CERK: variants seen among roughly 807,000 people sequenced by gnomAD.
The protein encoded by CERK is ceramide kinase, also known as acylsphingosine kinase.
Under a neutral mutation model 63.4 loss-of-function variants are expected in CERK, and 39 were observed. That is an observed-to-expected ratio of 0.61 (90% CI 0.48 to 0.80). The LOEUF is 0.80. Among genes scored for constraint, CERK ranks in the 30% least tolerant of loss-of-function variants. CERK has a pLI of 0.00. For synonymous variants in CERK, 302 were observed against 280.0 expected, an observed-to-expected ratio of 1.08 and a Z score of -0.78; for missense variants, 670 against 714.1, an observed-to-expected ratio of 0.94 and a Z score of 0.70.
chr22:46,712,536 G>A (rs117937275), intron 3 of CERK, among the ~76,000 whole-genome samples: 1,696 of 152,246 alleles, frequency 0.011, 16 homozygotes, highest in Non-Finnish European at 0.018. Context: ...AAACTCCCAC[G>A]AACTCAGAAT....
At chr22:46,716,586 AAATTC>A (rs2082867647) in intron 3 of CERK, among the ~76,000 whole-genome samples, 1 of 152,128 alleles carries the variant, frequency 6.6e-6, no homozygotes. Context: ...TGTAATTAAT[AAATTC>A]AATAAAAGAT....
intron 5 of CERK, among the ~76,000 whole-genome samples, chr22:46,710,206 C>T (rs923130808): frequency 2.0e-5 from 3 of 152,034 alleles, no homozygotes; most frequent in East Asian, 1.9e-4. Flanking sequence ...AGGCGGGTCG[C>T]GTGGATCACC....
At chr22:46,737,140 A>G (rs2082977638) in intron 1 of CERK, among the ~76,000 whole-genome samples, 1 of 152,096 alleles carries the variant, frequency 6.6e-6, no homozygotes, top group South Asian at 2.1e-4. Flanking sequence ...CTAAAATACA[A>G]AAATTAGCCG....
At chr22:46,729,893 G>A (rs1404422506) in intron 1 of CERK, among the ~76,000 whole-genome samples, 2 of 152,028 alleles carry the variant, frequency 1.3e-5, no homozygotes, top group African/African-American at 2.4e-5. Flanking sequence ...CAAAAAATTA[G>A]CCAGGCGTGG....
Position 46,711,115 on chromosome 22 carries a change from CAG to C in CERK, c.538_539del (p.Leu180ValfsTer2). 6.2e-7 allele frequency: 1 copy of C among 1,613,890 alleles called. No individual in the cohort carries two copies. Among genetic ancestry groups the C allele is most frequent in the Non-Finnish European group, 8.5e-7 (1 of 1,179,790 alleles). ...TEHANQAKET[L>X]YEINIDKYDG... ...CGTATTTGTCTATGTTAATCTCATA[CAG>C]AGTCTCCTTGGCCTGATTAGCATGT... On this transcript the variant is annotated frameshift_variant, in exon 5 of 13. Transcript: ENST00000216264. LOFTEE classifies it high-confidence loss of function.
intron 7 of CERK, among the ~76,000 whole-genome samples, chr22:46,701,078 G>A (rs2082781258): frequency 6.6e-6 from 1 of 152,152 alleles, no homozygotes; most frequent in African/African-American, 2.4e-5. Flanking sequence ...GGTGAGGCAC[G>A]GTAACCCTGT....
intron 2 of CERK, 87 bp downstream of exon 2, chr22:46,720,815 T>C (rs901842962): frequency 2.4e-6 from 2 of 819,660 alleles, no homozygotes; most frequent in African/African-American, 1.7e-5. Context: ...GCATTGAGCT[T>C]GTTAAACAAG....
rs2082853197 is a variant in CERK at position 46,713,527 on chromosome 22, AAAC to A, written c.380-1237_380-1235del. On this transcript the variant is annotated intron_variant, in intron 3 of 12. Coordinates refer to ENST00000216264, the MANE Select transcript of CERK (RefSeq NM_022766.6). Reference sequence around the variant, plus strand: ...TCATCTCAAAAAAAAAAAAAAAAAAAAACAAACAAACAAAAAAACACAGACACA... The same window carrying A: ...TCATCTCAAAAAAAAAAAAAAAAAAAAAACAAACAAAAAAACACAGACACA... 6.2e-5 allele frequency among the ~76,000 whole-genome samples: 9 copies of A among 145,556 alleles called. No homozygotes were observed. The South Asian group carries it at 6.3e-4, about 10-fold the overall frequency.
At position 46,701,918 on chromosome 22, in the gene CERK, C is replaced by A. The variant is rs138532297; in HGVS notation, c.716-208G>T. 3.7e-3 allele frequency among the ~76,000 whole-genome samples: 556 copies of A among 152,264 alleles called. 3 individuals carry two copies. Among genetic ancestry groups the A allele is most frequent in the African/African-American group, 0.012 (502 of 41,540 alleles). The stretch of plus-strand genomic sequence containing the variant: ...TGAGATTGGGCCGGGCGGTGGCTCA[C>A]GCCTGTCATCCCAGCACTTTGAGAG... On this transcript the variant is annotated intron_variant, in intron 6 of 12. Coordinates refer to ENST00000216264, the MANE Select transcript of CERK (RefSeq NM_022766.6).
Position 46,695,303 on chromosome 22 carries a change from A to T in CERK, c.956T>A (p.Phe319Tyr). Reference sequence around the variant, plus strand: ...CCCTTCATAGCAGTGGTGGGAGAGGAAGGTCTTTAAACCTGGGAACAGAGT... The same window carrying T: ...CCCTTCATAGCAGTGGTGGGAGAGGTAGGTCTTTAAACCTGGGAACAGAGT... ...ARYDFSGLKT[F>Y]LSHHCYEGTV... Residue 319 changes from phenylalanine to tyrosine, a missense_variant, in exon 9 of 13, where the codon TTC becomes TAC. Phe to Tyr is a conservative substitution (Grantham distance 22). Transcript: ENST00000216264. 1 of 1,600,158 alleles carries T rather than the reference A, an allele frequency of 6.2e-7. No individual in the cohort carries two copies. Among genetic ancestry groups the T allele is most frequent in the African/African-American group, 1.3e-5 (1 of 74,768 alleles).
At chr22:46,702,177 CA>C (rs135690) in intron 6 of CERK, among the ~76,000 whole-genome samples, 213 of 84,126 alleles carry the variant, frequency 2.5e-3, no homozygotes, top group African/African-American at 8.3e-3. Context: ...GACTTCGTCT[CA>C]AAAAAAAAAA....
intron 1 of CERK, among the ~76,000 whole-genome samples, chr22:46,734,944 G>A (rs1019816808): frequency 2.6e-5 from 4 of 152,142 alleles, no homozygotes; most frequent in East Asian, 1.9e-4. Context: ...CTGAGGACAC[G>A]CTTTATAAAC....
chr22:46,705,766 T>C (rs369251095), intron 6 of CERK, among the ~76,000 whole-genome samples: 5 of 150,658 alleles, frequency 3.3e-5, no homozygotes, highest in African/African-American at 9.8e-5. Flanking sequence ...GGCATGGTGG[T>C]GCACGCCTGT....
intron 8 of CERK, among the ~76,000 whole-genome samples, chr22:46,699,055 G>A (rs2082770207): frequency 6.6e-6 from 1 of 152,148 alleles, no homozygotes; most frequent in South Asian, 2.1e-4. Context: ...GTTCTGGAGT[G>A]AACTGCGTCC....
At position 46,695,227 on chromosome 22, in the gene CERK, C is replaced by T; in HGVS notation, c.1032G>A (p.Arg344=). 1 of 1,593,794 alleles carries T rather than the reference C, an allele frequency of 6.3e-7. No homozygotes were observed. The highest frequency in any genetic ancestry group is 8.6e-7 in the Non-Finnish European group (1 of 1,162,598). Residue 344 remains arginine (R), a synonymous_variant, in exon 9 of 13, where the codon AGG becomes AGA. Transcript: ENST00000216264. The stretch of plus-strand genomic sequence containing the variant: ...GCACTTACCCTGCCCGGCAGGGCTT[C>T]CTATCCCTTGGAGATCCCACCGTGT... ...AQHTVGSPRD[R]KPCRAGCFVC... is the part of the protein sequence containing the mutation.
intron 3 of CERK, among the ~76,000 whole-genome samples, chr22:46,713,005 C>T (rs1440213662): frequency 1.3e-5 from 2 of 151,746 alleles, no homozygotes; most frequent in Admixed American, 6.6e-5. Context: ...CCACCACGCC[C>T]GGCTAATTTT....
chr22:46,736,506 G>A (rs2082974424), intron 1 of CERK, among the ~76,000 whole-genome samples: 1 of 152,224 alleles, frequency 6.6e-6, no homozygotes, highest in Non-Finnish European at 1.5e-5. Context: ...CCCGCACTTA[G>A]GAAGTGCTTG....
rs770637394 is a variant in CERK at position 46,695,329 on chromosome 22, G to A, written c.944-14C>T. ...AGGTCTTTAAACCTGGGAACAGAGT[G>A]CAGTGAAGAAAAAACATCCACAAGG... is the stretch of plus-strand genomic sequence containing the variant. On this transcript the variant is annotated splice_polypyrimidine_tract_variant and intron_variant, in intron 8 of 12. Coordinates refer to ENST00000216264, the MANE Select transcript of CERK (RefSeq NM_022766.6). 15 of 1,453,300 alleles carry A rather than the reference G, an allele frequency of 1.0e-5. No individual in the cohort carries two copies. The highest frequency in any genetic ancestry group is 1.4e-5 in the Non-Finnish European group (14 of 1,033,352). 90.0% of individuals were successfully genotyped at this position (1,453,300 alleles called of 1,614,324 possible).
intron 11 of CERK, among the ~76,000 whole-genome samples, chr22:46,691,274 T>C (rs1260582332): frequency 1.3e-5 from 2 of 152,128 alleles, no homozygotes; most frequent in South Asian, 2.1e-4. Flanking sequence ...GGTTTCACCA[T>C]GTTGCCCAGG....
Sources: gnomAD v4.1 joint callset for allele counts (sites outside exome capture counted in the v4.1 genomes callset) on GRCh38, gnomAD v4.1.1 for gene constraint, MANE v1.5 for transcripts, NCBI Gene and HGNC (gene_info 2026-07-23, HGNC 2026-07-21) for gene names.